Variants in MTMR2 observed in about 807,000 individuals in gnomAD.
The protein encoded by MTMR2 is phosphatidylinositol-3,5-bisphosphate 3-phosphatase MTMR2.
In MTMR2, 55 loss-of-function variants were observed where a neutral mutation model predicts 86.9. The observed-to-expected ratio is 0.63, with a 90% CI of 0.51 to 0.79. The LOEUF (loss-of-function observed/expected upper bound fraction) is 0.79, where lower values mean the gene tolerates loss of function less well. Ranked by LOEUF, MTMR2 falls within the 30% of genes least tolerant of loss-of-function variation. The pLI, the probability that MTMR2 is intolerant of heterozygous loss-of-function variation, is 0.00. For missense variants in MTMR2, 659 were observed against 772.3 expected, an observed-to-expected ratio of 0.85 and a Z score of 1.74; for synonymous variants, 241 against 266.8, an observed-to-expected ratio of 0.90 and a Z score of 0.94.
chr11:95,864,933 C>A (rs898936825), intron 3 of MTMR2, among the ~76,000 whole-genome samples: 4 of 151,992 alleles, frequency 2.6e-5, no homozygotes, highest in East Asian at 1.9e-4. Flanking sequence ...TTACTTCATT[C>A]TTCTAACATA....
intron 12 of MTMR2, among the ~76,000 whole-genome samples, chr11:95,839,442 C>A (rs968725784): frequency 6.6e-6 from 1 of 152,020 alleles, no homozygotes; most frequent in African/African-American, 2.4e-5. Flanking sequence ...TCTAAGCCTG[C>A]GATTAGTTTT....
rs928252045 is a variant in MTMR2, at chr11:95,905,331, G to GCGCGCGCGCGCGCGCACA, written c.81-17071_81-17070insTGTGCGCGCGCGCGCGCG. 4.9e-4 allele frequency among the ~76,000 whole-genome samples: 73 copies of GCGCGCGCGCGCGCGCACA among 148,098 alleles called. 2 individuals are homozygous for GCGCGCGCGCGCGCGCACA. The highest frequency in any genetic ancestry group is 6.8e-3 in the Middle Eastern group (2 of 294). On this transcript the variant is annotated intron_variant, in intron 1 of 14. Transcript: ENST00000346299. Reference sequence around the variant, plus strand: ...CTTACACACACACGCACGCACCTGCGCACACACACACACACACACACACAC... The same window carrying GCGCGCGCGCGCGCGCACA: ...CTTACACACACACGCACGCACCTGCGCGCGCGCGCGCGCGCACACACACACACACACACACACACACAC...
In MTMR2 at chr11:95,858,467, C is replaced by T. The variant is rs191259390; in HGVS notation, c.570+64G>A. On this transcript the variant is annotated intron_variant, in intron 6 of 14. Coordinates refer to ENST00000346299, the MANE Select transcript of MTMR2 (RefSeq NM_016156.6). ...ATGTAGAGATTCTAGACAGCCTAGA[C>T]AAGTTTCTTTATACGACATCAATAA... 21 of 1,073,608 alleles carry T rather than the reference C, an allele frequency of 2.0e-5. 1 individual carries two copies. The highest frequency in any genetic ancestry group is 2.9e-5 in the Non-Finnish European group (20 of 693,176). 66.5% of individuals were successfully genotyped at this position (1,073,608 alleles called of 1,614,324 possible).
chr11:95,871,477 C>T (rs1391309973), intron 2 of MTMR2, among the ~76,000 whole-genome samples: 2 of 152,308 alleles, frequency 1.3e-5, no homozygotes, highest in Admixed American at 1.3e-4. Flanking sequence ...ATTTGCATTT[C>T]TCTGATGGCC....
At chr11:95,857,094 C>G (rs1864241487) in intron 7 of MTMR2, among the ~76,000 whole-genome samples, 1 of 152,012 alleles carries the variant, frequency 6.6e-6, no homozygotes, top group Non-Finnish European at 1.5e-5. Context: ...TTACCTCTAC[C>G]TGGCTTTGTG....
intron 1 of MTMR2, among the ~76,000 whole-genome samples, chr11:95,915,141 T>C (rs1034078793): frequency 1.3e-5 from 2 of 152,198 alleles, no homozygotes; most frequent in African/African-American, 2.4e-5. Context: ...TTATCTAATA[T>C]TGGTAACAGA....
At chr11:95,878,873 A>C (rs1307244159) in intron 2 of MTMR2, among the ~76,000 whole-genome samples, 1 of 152,144 alleles carries the variant, frequency 6.6e-6, no homozygotes, top group Non-Finnish European at 1.5e-5. Flanking sequence ...CTTTCATTTC[A>C]CCTCATACCA....
At chr11:95,839,536 C>A (rs991071691) in intron 12 of MTMR2, among the ~76,000 whole-genome samples, 1 of 152,076 alleles carries the variant, frequency 6.6e-6, no homozygotes, top group South Asian at 2.1e-4. Context: ...AGTAAAATAG[C>A]AGGGCATTAA....
intron 1 of MTMR2, 59 bp from the exon 2 acceptor site, chr11:95,888,320 G>A: frequency 1.8e-6 from 2 of 1,120,828 alleles, no homozygotes; most frequent in Non-Finnish European, 2.7e-6. Context: ...ACCAATTTCA[G>A]ACATTGTATT....
intron 7 of MTMR2, among the ~76,000 whole-genome samples, chr11:95,853,923 A>C (rs553489280): frequency 2.2e-3 from 339 of 152,170 alleles, no homozygotes; most frequent in Non-Finnish European, 3.8e-3. Flanking sequence ...CAGAGGGCCT[A>C]ATGTACCATC....
intron 10 of MTMR2, among the ~76,000 whole-genome samples, chr11:95,846,528 G>A (rs1863799780): frequency 6.6e-6 from 1 of 152,166 alleles, no homozygotes; most frequent in South Asian, 2.1e-4. Flanking sequence ...TCAGAAAGGT[G>A]ATATTTGAGC....
chr11:95,904,865 G>A (rs566765614), intron 1 of MTMR2, among the ~76,000 whole-genome samples: 23 of 152,176 alleles, frequency 1.5e-4, no homozygotes, highest in African/African-American at 5.1e-4. Flanking sequence ...ACCCCTTTCC[G>A]GTAATATATA....
chr11:95,845,732 C>T (rs993612627), intron 10 of MTMR2, among the ~76,000 whole-genome samples: 19 of 151,936 alleles, frequency 1.3e-4, no homozygotes, highest in Non-Finnish European at 2.4e-4. Flanking sequence ...CAGAATATGT[C>T]AATCTGTTAC....
intron 5 of MTMR2, among the ~76,000 whole-genome samples, chr11:95,860,125 A>C (rs1864354349): frequency 6.6e-6 from 1 of 152,226 alleles, no homozygotes; most frequent in Non-Finnish European, 1.5e-5. Context: ...ACTTACTCTT[A>C]AACTACAGAA....
At chr11:95,873,416 T>C (rs908950229) in intron 2 of MTMR2, among the ~76,000 whole-genome samples, 1 of 152,226 alleles carries the variant, frequency 6.6e-6, no homozygotes, top group African/African-American at 2.4e-5. Flanking sequence ...TAGTATTCTC[T>C]GATGGTAGTT....
chr11:95,923,199 C>T (rs2135655905), intron 1 of MTMR2, among the ~76,000 whole-genome samples: 1 of 152,228 alleles, frequency 6.6e-6, no homozygotes, highest in Non-Finnish European at 1.5e-5. Flanking sequence ...GAACCAGTAG[C>T]CCAAGAAGGA....
At chr11:95,893,936 A>G (rs1042904436) in intron 1 of MTMR2, among the ~76,000 whole-genome samples, 3 of 152,212 alleles carry the variant, frequency 2.0e-5, no homozygotes, top group Admixed American at 6.6e-5. Flanking sequence ...AAATCTGATC[A>G]TATCAATCCC....
chr11:95,858,690 A>T, intron 5 of MTMR2, 58 bp from the exon 6 acceptor site: 2 of 1,114,390 alleles, frequency 1.8e-6, no homozygotes, highest in Non-Finnish European at 2.7e-6. Flanking sequence ...AAATGAATAA[A>T]TAAGGTTACT....
intron 5 of MTMR2, among the ~76,000 whole-genome samples, chr11:95,861,144 C>T (rs1047223039): frequency 7.1e-5 from 10 of 140,582 alleles, no homozygotes; most frequent in African/African-American, 2.2e-4. Flanking sequence ...AGCGAGACTC[C>T]GTCTCAAAAA....
Sources: allele counts gnomAD v4.1 joint callset (sites outside exome capture counted in the v4.1 genomes callset), GRCh38; gene constraint gnomAD v4.1.1; transcripts MANE v1.5; gene names NCBI Gene and HGNC (gene_info 2026-07-23, HGNC 2026-07-21).